Variants in RIMS2 observed in about 807,000 individuals in gnomAD.
RIMS2 encodes regulating synaptic membrane exocytosis protein 2.
In RIMS2, 59 loss-of-function variants were observed where a neutral mutation model predicts 174.4. The ratio of observed to expected loss-of-function variants is 0.34; its 90% CI spans 0.27 to 0.42. RIMS2 has a LOEUF of 0.42. RIMS2 is among the 10% of genes least tolerant of loss of function. RIMS2 has a pLI of 1.00. For synonymous variants in RIMS2, 606 were observed against 572.5 expected (o/e 1.06, Z -0.84); for missense variants, 1,620 against 1,666.3 (o/e 0.97, Z 0.48).
rs79493173 is a variant in RIMS2, at chr8:104,026,696, C to A, written c.3334+12081C>A. On this transcript the variant is annotated intron_variant, in intron 19 of 23. Coordinates refer to ENST00000504942, the Ensembl canonical transcript of RIMS2. ...ATATTTAAAAAGTTTACAAAGGAACCAAAAGTGATAGTTATTTTGACAGTC... is the reference window on the plus strand; with the variant it reads ...ATATTTAAAAAGTTTACAAAGGAACAAAAAGTGATAGTTATTTTGACAGTC... Among the ~76,000 whole-genome samples the A allele has an allele frequency of 7.7e-3, 1,164 of 152,050 alleles. 24 individuals carry two copies. The highest frequency in any genetic ancestry group is 0.026 in the African/African-American group (1,096 of 41,494).
intron 2 of RIMS2, among the ~76,000 whole-genome samples, chr8:103,758,956 A>T (rs145261918): frequency 2.0e-5 from 3 of 152,304 alleles, no homozygotes; most frequent in Non-Finnish European, 4.4e-5. Context: ...TCATTACTTC[A>T]AGCTGAGGGT....
intron 4 of RIMS2, among the ~76,000 whole-genome samples, chr8:103,909,802 C>T (rs1435049977): frequency 1.3e-5 from 2 of 151,882 alleles, no homozygotes; most frequent in Non-Finnish European, 2.9e-5. Flanking sequence ...ACAGTCATAG[C>T]TAATAGTCTT....
intron 1 of RIMS2, among the ~76,000 whole-genome samples, chr8:103,608,258 C>T (rs1268962906): frequency 7.0e-6 from 1 of 142,866 alleles, no homozygotes; most frequent in Admixed American, 6.8e-5. Flanking sequence ...GTACTGGGCC[C>T]TGTGAGGTGT....
chr8:104,159,308 A>G (rs1354261676), intron 19 of RIMS2, among the ~76,000 whole-genome samples: 1 of 152,128 alleles, frequency 6.6e-6, no homozygotes, highest in African/African-American at 2.4e-5. Flanking sequence ...GCCTTGTAGT[A>G]TAGTTTGAAG....
chr8:103,734,014 CTTTTT>C (rs59348302), intron 2 of RIMS2, among the ~76,000 whole-genome samples: 7,264 of 85,656 alleles, frequency 0.085, 266 homozygotes, highest in Admixed American at 0.12. Context: ...CTAAAAGCTT[CTTTTT>C]TTTTTTTTTT....
intron 19 of RIMS2, among the ~76,000 whole-genome samples, chr8:104,202,897 A>C (rs1449021260): frequency 1.3e-5 from 2 of 152,260 alleles, no homozygotes; most frequent in Non-Finnish European, 2.9e-5. Flanking sequence ...AGTAGGAATA[A>C]GTATGGAATA....
intron 1 of RIMS2, among the ~76,000 whole-genome samples, chr8:103,553,112 T>A (rs1347410817): frequency 1.3e-5 from 2 of 152,140 alleles, no homozygotes; most frequent in Admixed American, 6.6e-5. Flanking sequence ...ACCCAAAGGA[T>A]TATAAATCAT....
chr8:103,910,382 C>T (rs1195564716), intron 5 of RIMS2: 1 of 1,597,410 alleles, frequency 6.3e-7, no homozygotes. Flanking sequence ...ACTCTAACAC[C>T]AGGTCTGAGA....
At chr8:103,934,689 A>G (rs1271295892) in intron 12 of RIMS2, among the ~76,000 whole-genome samples, 3 of 149,374 alleles carry the variant, frequency 2.0e-5, no homozygotes, top group Admixed American at 6.8e-5. Flanking sequence ...AGATTTTGAT[A>G]TAAACCATTC....
At chr8:103,707,768 C>T (rs2137783393) in intron 2 of RIMS2, among the ~76,000 whole-genome samples, 1 of 152,262 alleles carries the variant, frequency 6.6e-6, no homozygotes, top group Admixed American at 6.5e-5. Context: ...GCCACTATTG[C>T]CTGACTGCAA....
exon 18 of RIMS2, chr8:104,013,514 G>A (rs1697990867): frequency 6.2e-7 from 1 of 1,613,788 alleles, no homozygotes; most frequent in East Asian, 2.2e-5. Context: ...TCCTTGAGCG[G>A]ACCACCACCC....
intron 16 of RIMS2, chr8:103,976,545 T>C (rs921246611): frequency 3.6e-5 from 5 of 140,722 alleles, no homozygotes; most frequent in African/African-American, 5.5e-5. Context: ...TCTTTTTCTT[T>C]TTCTTTTTTT....
intron 2 of RIMS2, among the ~76,000 whole-genome samples, chr8:103,733,053 A>T (rs973680250): frequency 6.6e-6 from 1 of 152,154 alleles, no homozygotes; most frequent in African/African-American, 2.4e-5. Context: ...TGAGGGCAGC[A>T]TGGCTCTGAG....
intron 1 of RIMS2, among the ~76,000 whole-genome samples, chr8:103,606,970 G>A (rs1170181182): frequency 3.9e-5 from 6 of 151,964 alleles, no homozygotes; most frequent in Admixed American, 6.6e-5. Flanking sequence ...GCCAGTCTGT[G>A]TCTTTTAATT....
chr8:103,526,557 T>A (rs1834069945), intron 1 of RIMS2, among the ~76,000 whole-genome samples: 1 of 152,178 alleles, frequency 6.6e-6, no homozygotes, highest in Admixed American at 6.5e-5. Context: ...TGAATCTGTT[T>A]AGACTAGCAA....
chr8:103,769,228 G>A (rs1356976439), intron 3 of RIMS2, among the ~76,000 whole-genome samples: 1 of 152,150 alleles, frequency 6.6e-6, no homozygotes, highest in Non-Finnish European at 1.5e-5. Context: ...CATTTCATCA[G>A]GAAGTTACGT....
intron 1 of RIMS2, among the ~76,000 whole-genome samples, chr8:103,525,626 G>C (rs1454230244): frequency 6.6e-6 from 1 of 152,190 alleles, no homozygotes; most frequent in African/African-American, 2.4e-5. Flanking sequence ...TGAGATATTA[G>C]AGGAGAATAG....
intron 19 of RIMS2, among the ~76,000 whole-genome samples, chr8:104,130,638 G>A (rs562987106): frequency 6.6e-6 from 1 of 152,212 alleles, no homozygotes; most frequent in South Asian, 2.1e-4. Flanking sequence ...CGGAAGATAA[G>A]AGCAAATTGG....
intron 2 of RIMS2, among the ~76,000 whole-genome samples, chr8:103,762,138 T>C (rs371266153): frequency 6.6e-6 from 1 of 152,030 alleles, no homozygotes; most frequent in East Asian, 1.9e-4. Context: ...TTCCTAACAT[T>C]CCTAAGAATG....
Sources: allele counts gnomAD v4.1 joint callset (sites outside exome capture counted in the v4.1 genomes callset), GRCh38; gene constraint gnomAD v4.1.1; transcripts MANE v1.5; gene names NCBI Gene and HGNC (gene_info 2026-07-23, HGNC 2026-07-21).